Variants in CD86 observed in about 807,000 individuals in gnomAD.
CD86 encodes the protein CD86 molecule.
Under a neutral mutation model 32.1 loss-of-function variants are expected in CD86, and 11 were observed. That is an observed-to-expected ratio of 0.34 (90% CI 0.22 to 0.57). CD86 has a LOEUF of 0.57. Ranked by LOEUF, CD86 falls within the 20% of genes least tolerant of loss-of-function variation. The pLI is 0.86. For missense variants in CD86, 359 were observed against 398.4 expected (o/e 0.90, Z 0.84); for synonymous variants, 137 against 135.3 (o/e 1.01, Z -0.09).
At chr3:122,112,039 A>G (rs1362927583) in intron 5 of CD86, among the ~76,000 whole-genome samples, 1 of 152,228 alleles carries the variant, frequency 6.6e-6, no homozygotes, top group East Asian at 1.9e-4. Context: ...TAGGGCAGAT[A>G]AGGCATGAGA....
intron 1 of CD86, among the ~76,000 whole-genome samples, chr3:122,061,830 T>C (rs2072340835): frequency 6.6e-6 from 1 of 152,202 alleles, no homozygotes; most frequent in Non-Finnish European, 1.5e-5. Flanking sequence ...ACCCAGCAAC[T>C]GCATTCTTGG....
intron 1 of CD86, among the ~76,000 whole-genome samples, chr3:122,068,624 A>C (rs1023219361): frequency 5.3e-5 from 8 of 152,228 alleles, no homozygotes; most frequent in African/African-American, 1.2e-4. Flanking sequence ...GAGTTCTGAA[A>C]GGTGACATCA....
At chr3:122,082,175 C>T (rs1306306042) in intron 1 of CD86, among the ~76,000 whole-genome samples, 2 of 152,190 alleles carry the variant, frequency 1.3e-5, no homozygotes, top group Non-Finnish European at 1.5e-5. Context: ...GTACTTGTGA[C>T]AGGGAGCTTA....
At chr3:122,087,497 C>A (rs116365397) in intron 1 of CD86, among the ~76,000 whole-genome samples, 2 of 152,136 alleles carry the variant, frequency 1.3e-5, no homozygotes, top group Non-Finnish European at 2.9e-5. Flanking sequence ...CCAGCCCACA[C>A]CCTCGCACAC....
chr3:122,100,158 A>G (rs556045531), intron 2 of CD86, among the ~76,000 whole-genome samples: 39 of 152,260 alleles, frequency 2.6e-4, no homozygotes, highest in Non-Finnish European at 5.0e-4. Context: ...AGGTTGTTAG[A>G]CTCATTCATG....
At chr3:122,079,082 G>A (rs1041456359) in intron 1 of CD86, among the ~76,000 whole-genome samples, 1 of 152,190 alleles carries the variant, frequency 6.6e-6, no homozygotes, top group Admixed American at 6.5e-5. Context: ...AAAGACATAA[G>A]GAAAAGCTGC....
intron 1 of CD86, among the ~76,000 whole-genome samples, chr3:122,069,065 A>C (rs751254801): frequency 3.9e-5 from 6 of 152,210 alleles, no homozygotes; most frequent in Non-Finnish European, 7.4e-5. Context: ...GTGTTTAATC[A>C]TGAGGATATC....
In CD86 at chr3:122,119,494, C is replaced by T. The variant is rs141281931; in HGVS notation, c.950C>T (p.Ser317Leu). The change falls in exon 7 of 7, where the codon TCG becomes TTG. Residue 317 changes from serine to leucine, a missense_variant. Physicochemically the swap from Ser to Leu is moderately radical, Grantham distance 145. Coordinates refer to ENST00000330540, the MANE Select transcript of CD86 (RefSeq NM_175862.5). Reference sequence around the variant, plus strand: ...GAAGCCCAGCGTGTTTTTAAAAGTTCGAAGACATCTTCATGCGACAAAAGT... The same window carrying T: ...GAAGCCCAGCGTGTTTTTAAAAGTTTGAAGACATCTTCATGCGACAAAAGT... ...SDEAQRVFKS[S>L]KTSSCDKSDT... 19 of 1,610,822 alleles carry T rather than the reference C, an allele frequency of 1.2e-5. No homozygotes were observed. Among genetic ancestry groups the T allele is most frequent in the Middle Eastern group, 1.6e-4 (1 of 6,082 alleles).
chr3:122,076,160 T>C (rs1395048072), intron 1 of CD86, among the ~76,000 whole-genome samples: 1 of 152,216 alleles, frequency 6.6e-6, no homozygotes, highest in South Asian at 2.1e-4. Context: ...TTTTTCTAAA[T>C]AGATTTACTT....
chr3:122,067,991 T>A (rs1310341097), intron 1 of CD86, among the ~76,000 whole-genome samples: 1 of 152,176 alleles, frequency 6.6e-6, no homozygotes, highest in African/African-American at 2.4e-5. Flanking sequence ...ACATTTTAAG[T>A]GTTCAGAGAA....
At chr3:122,070,388 G>C (rs2072472987) in intron 1 of CD86, among the ~76,000 whole-genome samples, 1 of 152,102 alleles carries the variant, frequency 6.6e-6, no homozygotes, top group South Asian at 2.1e-4. Flanking sequence ...GCCTAGGATG[G>C]GAGTGGAGGA....
intron 1 of CD86, among the ~76,000 whole-genome samples, chr3:122,061,983 A>G (rs1276590511): frequency 6.6e-6 from 1 of 152,120 alleles, no homozygotes; most frequent in Non-Finnish European, 1.5e-5. Context: ...TGTGTGCAAG[A>G]TGTTACCACT....
chr3:122,101,328 G>T (rs1451013788), intron 2 of CD86, among the ~76,000 whole-genome samples: 1 of 151,588 alleles, frequency 6.6e-6, no homozygotes, highest in Non-Finnish European at 1.5e-5. Context: ...AATCTCATTG[G>T]TCCATACATC....
chr3:122,097,071 G>A (rs1419045736), intron 2 of CD86, among the ~76,000 whole-genome samples: 1 of 152,122 alleles, frequency 6.6e-6, no homozygotes, highest in East Asian at 1.9e-4. Context: ...AAATTCAGCA[G>A]TTAGGACCCA....
chr3:122,111,208 T>C lies in CD86; in HGVS notation c.847+1800T>C, dbSNP rs191826187. 2.6e-4 allele frequency among the ~76,000 whole-genome samples: 39 copies of C among 152,310 alleles called. No homozygotes were observed. In the East Asian group the frequency reaches 5.6e-3, roughly 22 times the overall value. On this transcript the variant is annotated intron_variant, in intron 5 of 6. Coordinates refer to ENST00000330540, the MANE Select transcript of CD86 (RefSeq NM_175862.5). ...TCAAAGAGAGAAGCCTTGCTATCAC[T>C]GTAGGGAGGGAGGTGCAACAGGTAT...
rs201982941 is a variant in CD86, at chr3:122,118,063, A to G, written c.863A>G (p.Glu288Gly). ...TGTCTTTCAGGAACCAACACAATGG[A>G]GAGGGAAGAGAGTGAACAGACCAAG... Reference protein sequence around the residue: ...NSYKCGTNTMEREESEQTKKR... With the variant: ...NSYKCGTNTMGREESEQTKKR... The change falls in exon 6 of 7, where the codon GAG becomes GGG. Residue 288 changes from glutamate (E) to glycine (G), a missense_variant. Coordinates refer to ENST00000330540, the MANE Select transcript of CD86 (RefSeq NM_175862.5). 8 of 1,613,384 alleles carry G rather than the reference A, an allele frequency of 5.0e-6. No homozygotes were observed. In the Admixed American group the frequency reaches 1.0e-4, roughly 20 times the overall value.
intron 5 of CD86, 26 bp downstream of exon 5, chr3:122,109,434 A>AGACT: frequency 6.2e-7 from 1 of 1,613,542 alleles, no homozygotes; most frequent in South Asian, 1.1e-5. Context: ...TCCTCCCCAC[A>AGACT]GACTGTCACT....
At chr3:122,071,353 AG>A (rs1321657085) in intron 1 of CD86, among the ~76,000 whole-genome samples, 2 of 151,354 alleles carry the variant, frequency 1.3e-5, no homozygotes, top group Non-Finnish European at 2.9e-5. Flanking sequence ...TGCCTTTTCC[AG>A]AATGTTCTAT....
chr3:122,064,393 G>A (rs2072384364), intron 1 of CD86, among the ~76,000 whole-genome samples: 1 of 152,186 alleles, frequency 6.6e-6, no homozygotes, highest in Non-Finnish European at 1.5e-5. Context: ...CTGCTGAGCA[G>A]GATGAAATCA....
Sources: allele counts gnomAD v4.1 joint callset (sites outside exome capture counted in the v4.1 genomes callset), GRCh38; gene constraint gnomAD v4.1.1; transcripts MANE v1.5; gene names NCBI Gene and HGNC (gene_info 2026-07-23, HGNC 2026-07-21).